Variants in SGCZ observed in about 807,000 individuals in gnomAD.
SGCZ encodes sarcoglycan zeta.
A neutral mutation model predicts 41.3 loss-of-function variants in SGCZ; 40 were observed. That is an observed-to-expected ratio of 0.97 (90% CI 0.75 to 1.26). SGCZ has a LOEUF of 1.26. Among genes scored for constraint, SGCZ ranks in the 50% most tolerant of loss-of-function variants. SGCZ has a pLI of 0.00. For synonymous variants in SGCZ, 206 were observed against 137.5 expected (o/e 1.50, Z -3.49); for missense variants, 552 against 369.8 (o/e 1.49, Z -4.04).
intron 1 of SGCZ, among the ~76,000 whole-genome samples, chr8:14,671,253 A>G (rs888147775): frequency 6.6e-6 from 1 of 152,206 alleles, no homozygotes; most frequent in African/African-American, 2.4e-5. Flanking sequence ...TGACAGTGGT[A>G]TCTTTTTATG....
At chr8:14,566,948 C>A (rs574349381) in intron 1 of SGCZ, among the ~76,000 whole-genome samples, 217 of 152,280 alleles carry the variant, frequency 1.4e-3, no homozygotes, top group African/African-American at 5.0e-3. Context: ...CCAGCTGGCC[C>A]CACCGGCCCC....
At chr8:14,351,963 C>G (rs1653475288) in intron 2 of SGCZ, among the ~76,000 whole-genome samples, 1 of 152,032 alleles carries the variant, frequency 6.6e-6, no homozygotes, top group South Asian at 2.1e-4. Flanking sequence ...ACAAATAATA[C>G]CGTCAACCTC....
chr8:14,758,974 C>T (rs577615869), intron 1 of SGCZ, among the ~76,000 whole-genome samples: 1 of 150,284 alleles, frequency 6.7e-6, no homozygotes, highest in African/African-American at 2.5e-5. Flanking sequence ...GGCCATTGCA[C>T]TCCAGCCTGG....
intron 1 of SGCZ, among the ~76,000 whole-genome samples, chr8:14,883,194 A>G (rs560371482): frequency 2.0e-5 from 3 of 151,832 alleles, no homozygotes; most frequent in South Asian, 4.2e-4. Flanking sequence ...AACAGAAAGA[A>G]GAAAGTCTAT....
At chr8:14,966,820 G>T (rs1319246526) in intron 1 of SGCZ, among the ~76,000 whole-genome samples, 1 of 152,066 alleles carries the variant, frequency 6.6e-6, no homozygotes, top group Non-Finnish European at 1.5e-5. Context: ...TATTTCAATA[G>T]AATATTTGAA....
intron 1 of SGCZ, among the ~76,000 whole-genome samples, chr8:14,993,907 A>G (rs4831320): frequency 0.026 from 3,896 of 152,120 alleles, 191 homozygotes; most frequent in African/African-American, 0.089. Flanking sequence ...CTTTGCTTAG[A>G]TTTTAATGGT....
rs186520679 is a variant in SGCZ at position 14,324,297 on chromosome 8, G to A, written c.235-93C>T. 54 of 840,190 alleles carry A rather than the reference G, an allele frequency of 6.4e-5. No individual in the cohort carries two copies. In the East Asian group the frequency reaches 1.3e-3, roughly 20 times the overall value. The allele number at this position is 840,190 out of a possible 1,614,324, so 52.0% of individuals were successfully genotyped here. ...TAGGCCTAAATTGAGAAAACAGTGA[G>A]CTCAAATCAGTGATGATTTAAGGAA... On this transcript the variant is annotated intron_variant, in intron 2 of 7. Coordinates refer to ENST00000382080, the MANE Select transcript of SGCZ (RefSeq NM_139167.4).
intron 1 of SGCZ, among the ~76,000 whole-genome samples, chr8:14,817,232 C>T (rs1000405572): frequency 3.3e-5 from 5 of 152,104 alleles, no homozygotes. Flanking sequence ...GAGGCACCTG[C>T]CTCTGCCACA....
intron 1 of SGCZ, among the ~76,000 whole-genome samples, chr8:14,854,544 G>A (rs1803473393): frequency 6.6e-6 from 1 of 151,930 alleles, no homozygotes. Context: ...GTGTAATATT[G>A]TTTTCATAAT....
At chr8:14,964,096 C>T (rs938023349) in intron 1 of SGCZ, among the ~76,000 whole-genome samples, 1 of 152,142 alleles carries the variant, frequency 6.6e-6, no homozygotes, top group South Asian at 2.1e-4. Context: ...CTAAGTCATA[C>T]ACATCTGTAA....
intron 1 of SGCZ, among the ~76,000 whole-genome samples, chr8:14,749,558 A>G (rs1332741051): frequency 1.3e-5 from 2 of 152,174 alleles, no homozygotes; most frequent in African/African-American, 2.4e-5. Context: ...GCAGTACCAA[A>G]TATTTGTTGA....
intron 3 of SGCZ, among the ~76,000 whole-genome samples, chr8:14,263,154 A>G (rs904159212): frequency 4.6e-5 from 7 of 152,236 alleles, no homozygotes; most frequent in Non-Finnish European, 2.9e-5. Flanking sequence ...AAATAAAGCA[A>G]TTCAAAACTA....
intron 1 of SGCZ, among the ~76,000 whole-genome samples, chr8:15,213,183 A>G (rs1164475271): frequency 6.6e-6 from 1 of 152,036 alleles, no homozygotes; most frequent in African/African-American, 2.4e-5. Flanking sequence ...AAATTCACAT[A>G]AAGTTGAAGG....
chr8:15,230,178 T>C (rs1180805843), intron 1 of SGCZ, among the ~76,000 whole-genome samples: 24 of 133,684 alleles, frequency 1.8e-4, no homozygotes, highest in African/African-American at 7.0e-4. Flanking sequence ...TGAATAAGGA[T>C]ACTAGTTAAA....
chr8:14,509,033 T>C (rs903147547), intron 2 of SGCZ, among the ~76,000 whole-genome samples: 5 of 152,156 alleles, frequency 3.3e-5, no homozygotes, highest in African/African-American at 1.2e-4. Flanking sequence ...TTTCAAACAC[T>C]CTGAAACATT....
intron 1 of SGCZ, among the ~76,000 whole-genome samples, chr8:14,591,710 T>A (rs1438728099): frequency 6.6e-6 from 1 of 152,130 alleles, no homozygotes; most frequent in African/African-American, 2.4e-5. Flanking sequence ...AATATAAAGC[T>A]TCCTGCATAA....
At chr8:15,219,666 T>C (rs1402413634) in intron 1 of SGCZ, among the ~76,000 whole-genome samples, 1 of 152,176 alleles carries the variant, frequency 6.6e-6, no homozygotes, top group Non-Finnish European at 1.5e-5. Context: ...AATGCTACTA[T>C]TCACCTCATC....
intron 1 of SGCZ, among the ~76,000 whole-genome samples, chr8:15,065,606 T>C (rs1453592365): frequency 6.6e-6 from 1 of 151,466 alleles, no homozygotes; most frequent in Non-Finnish European, 1.5e-5. Flanking sequence ...CCAGCTAACG[T>C]TTTTGTATTT....
intron 4 of SGCZ, among the ~76,000 whole-genome samples, chr8:14,218,090 A>T (rs1806063230): frequency 6.6e-6 from 1 of 152,150 alleles, no homozygotes; most frequent in Non-Finnish European, 1.5e-5. Flanking sequence ...CTACTTGACC[A>T]CTCTACTTAA....
Sources: allele counts gnomAD v4.1 joint callset (sites outside exome capture counted in the v4.1 genomes callset), GRCh38; gene constraint gnomAD v4.1.1; transcripts MANE v1.5; gene names NCBI Gene and HGNC (gene_info 2026-07-23, HGNC 2026-07-21).